The following IPO7 variants were observed in gnomAD, a reference collection of about 807,000 sequenced individuals.
The protein encoded by IPO7 is importin-7.
A neutral mutation model predicts 136.4 loss-of-function variants in IPO7; 13 were observed. The observed-to-expected ratio is 0.10, with a 90% CI of 0.06 to 0.15. IPO7 has a LOEUF of 0.15. Ranked by LOEUF, IPO7 falls within the 10% of genes least tolerant of loss-of-function variation. The probability of loss-of-function intolerance (pLI) is 1.00; values close to 1 mark genes in which losing one functional copy is unlikely to be tolerated. For missense variants in IPO7, 857 were observed against 1,240.6 expected (o/e 0.69, Z 4.65); for synonymous variants, 403 against 404.4 (o/e 1.00, Z 0.04).
intron 13 of IPO7, 131 bp downstream of exon 13, chr11:9,428,760 T>G (rs772753287): frequency 1.3e-6 from 1 of 791,516 alleles, no homozygotes; most frequent in East Asian, 2.4e-5. Flanking sequence ...TTAATGTAAA[T>G]CTTTACATGG....
intron 23 of IPO7, 106 bp downstream of exon 23, chr11:9,440,767 A>G: frequency 2.2e-6 from 2 of 916,790 alleles, no homozygotes; most frequent in Admixed American, 2.0e-5. Context: ...CCAGACTAGA[A>G]AAGGCTGGTT....
At chr11:9,400,729 T>C (rs2133727888) in intron 1 of IPO7, among the ~76,000 whole-genome samples, 1 of 152,038 alleles carries the variant, frequency 6.6e-6, no homozygotes, top group South Asian at 2.1e-4. Flanking sequence ...GCCTACTAAA[T>C]AAGTAATTTT....
At chr11:9,436,402 G>A in intron 20 of IPO7, 36 bp downstream of exon 20, 1 of 1,375,500 alleles carries the variant, frequency 7.3e-7, no homozygotes, top group Non-Finnish European at 1.0e-6. Context: ...AGTTCAGAGG[G>A]GTAATCTTTT....
At chr11:9,388,199 C>T (rs1196527410) in intron 1 of IPO7, among the ~76,000 whole-genome samples, 4 of 148,830 alleles carry the variant, frequency 2.7e-5, no homozygotes, top group Middle Eastern at 3.4e-3. Flanking sequence ...TTTTTTGAGA[C>T]GGAGTCTTGC....
At chr11:9,391,321 C>T (rs1308818607) in intron 1 of IPO7, among the ~76,000 whole-genome samples, 1 of 151,340 alleles carries the variant, frequency 6.6e-6, no homozygotes, top group Non-Finnish European at 1.5e-5. Flanking sequence ...ATCACTTGAA[C>T]CCGGGAGGCG....
chr11:9,398,143 C>G (rs996842512), intron 1 of IPO7, among the ~76,000 whole-genome samples: 19 of 152,334 alleles, frequency 1.2e-4, no homozygotes, highest in African/African-American at 4.3e-4. Context: ...CTTTCTCACT[C>G]TACACTGCCC....
intron 14 of IPO7, 109 bp downstream of exon 14, chr11:9,429,305 A>T (rs1855259766): frequency 1.1e-6 from 1 of 926,380 alleles, no homozygotes; most frequent in Non-Finnish European, 1.7e-6. Flanking sequence ...GCTTGAAGCC[A>T]GGTGTTCAAG....
intron 4 of IPO7, among the ~76,000 whole-genome samples, chr11:9,411,870 A>C (rs1854972673): frequency 6.6e-6 from 1 of 152,188 alleles, no homozygotes; most frequent in Non-Finnish European, 1.5e-5. Flanking sequence ...CCAGTCCACT[A>C]TTCAGGGTAT....
chr11:9,391,897 G>A (rs1854638270), intron 1 of IPO7, among the ~76,000 whole-genome samples: 1 of 152,040 alleles, frequency 6.6e-6, no homozygotes, highest in African/African-American at 2.4e-5. Flanking sequence ...CTCCCAACTA[G>A]CTGGGACTAC....
In IPO7 at chr11:9,423,348, C is replaced by T. The variant is rs909400198; in HGVS notation, c.1041+208C>T. On this transcript the variant is annotated intron_variant, in intron 9 of 24. Coordinates refer to ENST00000379719, the MANE Select transcript of IPO7 (RefSeq NM_006391.3). ...GTGAATATTCAACTTATCTTTTAAT[C>T]CAAAACTGTTGTCTTCAAACTTGCA... Among the ~76,000 whole-genome samples the T allele has an allele frequency of 4.6e-5, 7 of 152,068 alleles. 1 individual carries two copies. The South Asian group carries it at 1.5e-3, about 32-fold the overall frequency.
chr11:9,418,332 G>C (rs1336887828), intron 6 of IPO7, among the ~76,000 whole-genome samples: 1 of 152,092 alleles, frequency 6.6e-6, no homozygotes, highest in East Asian at 1.9e-4. Flanking sequence ...GCCTCCCAAA[G>C]TGCTGGGATT....
At position 9,436,813 on chromosome 11, in the gene IPO7, C is replaced by T. The variant is rs375353565; in HGVS notation, c.2268+447C>T. Among the ~76,000 whole-genome samples, 25 of 124,800 alleles carry T rather than the reference C, an allele frequency of 2.0e-4. No individual in the cohort carries two copies. In the East Asian group the frequency reaches 3.2e-3, roughly 16 times the overall value. 81.9% of individuals were successfully genotyped at this position (124,800 alleles called of 152,430 possible). On this transcript the variant is annotated intron_variant, in intron 20 of 24. Coordinates refer to ENST00000379719, the MANE Select transcript of IPO7 (RefSeq NM_006391.3). Reference sequence around the variant, plus strand: ...TCAGCCTCCCAAGTAGCTGGGATTACAGGTATACACCACCACAACCGCCTG... The same window carrying T: ...TCAGCCTCCCAAGTAGCTGGGATTATAGGTATACACCACCACAACCGCCTG...
At chr11:9,445,034 G>T in intron 24 of IPO7, 63 bp from the exon 25 acceptor site, 22 of 1,011,802 alleles carry the variant, frequency 2.2e-5, no homozygotes, top group East Asian at 1.9e-4. Context: ...TTAATGTTTT[G>T]TCAGTTTCTC....
intron 20 of IPO7, among the ~76,000 whole-genome samples, chr11:9,437,267 TA>T (rs755000936): frequency 1.3e-5 from 2 of 151,488 alleles, no homozygotes; most frequent in African/African-American, 4.9e-5. Flanking sequence ...TTATTTCATA[TA>T]TTTTTTTGAG....
rs1441659637 is a variant in IPO7 at position 9,433,642 on chromosome 11, A to T, written c.1948+6A>T. ...TTTACAACAGCATGTCTTAGGTATT[A>T]TACCTCTGATTGTGCTAAGAATTTA... On this transcript the variant is annotated splice_donor_region_variant and intron_variant, in intron 17 of 24. Transcript: ENST00000379719. 2.5e-6 allele frequency: 4 copies of T among 1,612,642 alleles called. No homozygotes were observed. Among genetic ancestry groups the T allele is most frequent in the Non-Finnish European group, 3.4e-6 (4 of 1,179,476 alleles).
chr11:9,394,678 C>T (rs1171423881), intron 1 of IPO7, among the ~76,000 whole-genome samples: 2 of 152,154 alleles, frequency 1.3e-5, no homozygotes, highest in African/African-American at 2.4e-5. Flanking sequence ...TCTGAGTTTA[C>T]GTCCCTTAGG....
intron 15 of IPO7, 87 bp downstream of exon 15, chr11:9,429,921 C>T: frequency 1.1e-6 from 1 of 947,916 alleles, no homozygotes; most frequent in Non-Finnish European, 1.5e-6. Flanking sequence ...GCTTGCCTTA[C>T]CTTATAGCAG....
chr11:9,430,143 A>G lies in IPO7; in HGVS notation c.1752+309A>G, dbSNP rs1855272817. On this transcript the variant is annotated intron_variant, in intron 15 of 24. Coordinates refer to ENST00000379719, the MANE Select transcript of IPO7 (RefSeq NM_006391.3). ...TTCCGGCAGTAATGCTCACTCACCT[A>G]CCACTTATCTACTGCTCCTAACAGG... is the stretch of plus-strand genomic sequence containing the variant. Among the ~76,000 whole-genome samples, 4 of 152,034 alleles carry G rather than the reference A, an allele frequency of 2.6e-5. No individual in the cohort carries two copies. In the South Asian group the frequency reaches 6.2e-4, roughly 24 times the overall value.
At chr11:9,397,341 A>AAAAAAAAAAAAAAAAAAAAAAAATAT in intron 1 of IPO7, among the ~76,000 whole-genome samples, 1 of 10,762 alleles carries the variant, frequency 9.3e-5, no homozygotes, top group Non-Finnish European at 1.8e-4. Context: ...TTTAAAAAAA[A>AAAAAAAAAAAAAAAAAAAAAAAATAT]ATATATATAT....
Sources: gnomAD v4.1 joint callset for allele counts (sites outside exome capture counted in the v4.1 genomes callset) on GRCh38, gnomAD v4.1.1 for gene constraint, MANE v1.5 for transcripts, NCBI Gene and HGNC (gene_info 2026-07-23, HGNC 2026-07-21) for gene names.